Variants in AFG2A observed in about 807,000 individuals in gnomAD.
The protein encoded by AFG2A is ATPase family gene 2 protein homolog A.
chr4:123,040,077 T>C, the AFG2A span, among the ~76,000 whole-genome samples: 4 of 152,274 alleles, frequency 2.6e-5, no homozygotes, highest in South Asian at 8.3e-4. Context: ...AATATTCTTA[T>C]TCATTTTCTT....
At chr4:123,048,054 G>T in the AFG2A span, among the ~76,000 whole-genome samples, 1 of 152,060 alleles carries the variant, frequency 6.6e-6, no homozygotes, top group African/African-American at 2.4e-5. Context: ...GAAAAATGTG[G>T]ATTTAGTTTC....
At chr4:122,975,875 G>C in the AFG2A span, among the ~76,000 whole-genome samples, 2 of 152,244 alleles carry the variant, frequency 1.3e-5, no homozygotes, top group Admixed American at 1.3e-4. Flanking sequence ...GTGGGTATTT[G>C]TAAGATGTCC....
the AFG2A span, among the ~76,000 whole-genome samples, chr4:122,926,557 T>G: frequency 4.3e-4 from 66 of 152,342 alleles, no homozygotes; most frequent in Non-Finnish European, 7.5e-4. Context: ...TGTTTTGTAG[T>G]GACAGAATAA....
At chr4:122,970,252 C>T in the AFG2A span, among the ~76,000 whole-genome samples, 2 of 151,842 alleles carry the variant, frequency 1.3e-5, no homozygotes, top group African/African-American at 4.8e-5. Context: ...TGTTTAGATA[C>T]ACAAATACTT....
At chr4:122,941,998 G>A in the AFG2A span, among the ~76,000 whole-genome samples, 1 of 151,894 alleles carries the variant, frequency 6.6e-6, no homozygotes, top group Non-Finnish European at 1.5e-5. Flanking sequence ...TGATCATGGT[G>A]GATAAGCTTT....
chr4:123,097,249 A>G, the AFG2A span, among the ~76,000 whole-genome samples: 15,916 of 152,108 alleles, frequency 0.1, 933 homozygotes, highest in Middle Eastern at 0.2. Context: ...TCAAATGACT[A>G]GTATTCCAAA....
chr4:123,017,903 T>C, the AFG2A span, among the ~76,000 whole-genome samples: 2 of 152,248 alleles, frequency 1.3e-5, no homozygotes, highest in East Asian at 3.8e-4. Flanking sequence ...CTCATAGATG[T>C]ATAAAAACAT....
At chr4:123,088,401 C>A in the AFG2A span, among the ~76,000 whole-genome samples, 1 of 152,170 alleles carries the variant, frequency 6.6e-6, no homozygotes, top group African/African-American at 2.4e-5. Context: ...TATTGGCAGC[C>A]TGAAATATTT....
the AFG2A span, among the ~76,000 whole-genome samples, chr4:122,967,802 C>T: frequency 6.6e-6 from 1 of 151,894 alleles, no homozygotes; most frequent in African/African-American, 2.4e-5. Context: ...TGCATTCAGC[C>T]CCAAAACCTT....
At chr4:122,933,497 G>A in the AFG2A span, 1 of 1,608,590 alleles carries the variant, frequency 6.2e-7, no homozygotes. Flanking sequence ...GAGAAAACTA[G>A]GTGAGACAAA....
At chr4:122,998,343 G>C in the AFG2A span, among the ~76,000 whole-genome samples, 19 of 151,768 alleles carry the variant, frequency 1.3e-4, no homozygotes, top group South Asian at 3.8e-3. Flanking sequence ...TAAGTTTTAG[G>C]ATACATGTGC....
At chr4:123,051,873 A>G in the AFG2A span, among the ~76,000 whole-genome samples, 1 of 151,876 alleles carries the variant, frequency 6.6e-6, no homozygotes, top group Non-Finnish European at 1.5e-5. Flanking sequence ...AGGATCCTTT[A>G]TCTTTGATCT....
chr4:122,963,238 A>C, the AFG2A span, among the ~76,000 whole-genome samples: 2 of 152,338 alleles, frequency 1.3e-5, no homozygotes, highest in Admixed American at 1.3e-4. Context: ...TGTTATGTGA[A>C]TGATCAGGGT....
At chr4:123,271,997 C>T in the AFG2A span, among the ~76,000 whole-genome samples, 1 of 151,972 alleles carries the variant, frequency 6.6e-6, no homozygotes, top group African/African-American at 2.4e-5. Flanking sequence ...AGACTTGAAA[C>T]ATTAACAATA....
At chr4:123,114,881 T>C in the AFG2A span, among the ~76,000 whole-genome samples, 1 of 152,208 alleles carries the variant, frequency 6.6e-6, no homozygotes, top group African/African-American at 2.4e-5. Context: ...GGGCTAGTCC[T>C]GTGAGTCCCA....
the AFG2A span, among the ~76,000 whole-genome samples, chr4:123,022,945 A>G: frequency 6.6e-6 from 1 of 151,554 alleles, no homozygotes; most frequent in East Asian, 1.9e-4. Context: ...ACAAAAAACC[A>G]AACACCGCAT....
chr4:123,165,898 A>C, the AFG2A span, among the ~76,000 whole-genome samples: 1 of 152,212 alleles, frequency 6.6e-6, no homozygotes, highest in African/African-American at 2.4e-5. Flanking sequence ...GAACTTTGGC[A>C]ATGCAAGATT....
At chr4:123,035,732 A>T in the AFG2A span, among the ~76,000 whole-genome samples, 1 of 152,124 alleles carries the variant, frequency 6.6e-6, no homozygotes, top group Admixed American at 6.6e-5. Flanking sequence ...TATATAAAAA[A>T]AAGTCTTGAT....
At chr4:123,300,257 C>T in the AFG2A span, among the ~76,000 whole-genome samples, 1 of 152,098 alleles carries the variant, frequency 6.6e-6, no homozygotes, top group African/African-American at 2.4e-5. Context: ...TTTTCAAAAC[C>T]TAAATCATCT....
Sources: gnomAD v4.1 joint callset for allele counts (sites outside exome capture counted in the v4.1 genomes callset) on GRCh38, gnomAD v4.1.1 for gene constraint, MANE v1.5 for transcripts, NCBI Gene and HGNC (gene_info 2026-07-23, HGNC 2026-07-21) for gene names.